NELL1: variants seen among roughly 807,000 people sequenced by gnomAD.
NELL1 encodes the protein protein kinase C-binding protein NELL1.
NELL1 carries 76 observed loss-of-function variants against 107.4 expected under a neutral mutation model. The observed-to-expected ratio is 0.71, with a 90% CI of 0.59 to 0.86. The LOEUF is 0.86. NELL1 is among the 40% of genes least tolerant of loss of function. The probability of loss-of-function intolerance (pLI) is 0.00; values close to 1 mark genes in which losing one functional copy is unlikely to be tolerated. For missense variants in NELL1, 1,024 were observed against 1,005.5 expected (o/e 1.02, Z -0.25); for synonymous variants, 353 against 341.2 (o/e 1.03, Z -0.38).
chr11:21,317,524 G>A (rs988059194), intron 14 of NELL1, among the ~76,000 whole-genome samples: 1 of 71,360 alleles, frequency 1.4e-5, no homozygotes, highest in African/African-American at 5.4e-5. Context: ...CTCACACTAA[G>A]CATTCTAGGT....
At chr11:20,775,320 G>A (rs1424206697) in intron 2 of NELL1, among the ~76,000 whole-genome samples, 1 of 151,962 alleles carries the variant, frequency 6.6e-6, no homozygotes, top group Non-Finnish European at 1.5e-5. Context: ...AGTATTGGCT[G>A]GACATTTCCT....
chr11:21,127,762 A>G (rs1855519836), intron 13 of NELL1, among the ~76,000 whole-genome samples: 2 of 152,222 alleles, frequency 1.3e-5, no homozygotes, highest in Non-Finnish European at 2.9e-5. Flanking sequence ...TGGAAATCAC[A>G]CTAATGATCA....
At chr11:20,694,345 T>G (rs1854555928) in intron 2 of NELL1, among the ~76,000 whole-genome samples, 1 of 152,078 alleles carries the variant, frequency 6.6e-6, no homozygotes, top group Admixed American at 6.6e-5. Flanking sequence ...TTGTCAAAGC[T>G]GTTGTCCAGA....
At chr11:21,360,319 A>G (rs1851046009) in intron 14 of NELL1, among the ~76,000 whole-genome samples, 1 of 152,142 alleles carries the variant, frequency 6.6e-6, no homozygotes, top group African/African-American at 2.4e-5. Flanking sequence ...TTTGGAGTTG[A>G]CTTCCAGTTT....
At chr11:21,165,545 A>G (rs555660951) in intron 13 of NELL1, among the ~76,000 whole-genome samples, 32 of 152,260 alleles carry the variant, frequency 2.1e-4, no homozygotes, top group Admixed American at 1.4e-3. Flanking sequence ...CAGAGTTACT[A>G]TATGATTCTG....
At chr11:21,443,799 G>T (rs1590936521) in intron 15 of NELL1, among the ~76,000 whole-genome samples, 1 of 151,024 alleles carries the variant, frequency 6.6e-6, no homozygotes, top group African/African-American at 2.4e-5. Context: ...GCAGTAAGAC[G>T]AGATTACACC....
chr11:20,796,407 T>C (rs55941799), intron 3 of NELL1, among the ~76,000 whole-genome samples: 4,174 of 152,300 alleles, frequency 0.027, 190 homozygotes, highest in African/African-American at 0.095. Context: ...ACATGGTTTG[T>C]TGAAGCCATG....
chr11:21,066,645 T>C (rs1853878593), intron 12 of NELL1, among the ~76,000 whole-genome samples: 1 of 152,148 alleles, frequency 6.6e-6, no homozygotes, highest in South Asian at 2.1e-4. Context: ...TGAGTATATA[T>C]AACACTGAAT....
At chr11:21,212,738 A>C (rs1857526892) in intron 13 of NELL1, among the ~76,000 whole-genome samples, 3 of 152,194 alleles carry the variant, frequency 2.0e-5, no homozygotes, top group Admixed American at 1.3e-4. Context: ...AAGGTGGTAT[A>C]AGGTGGGGCT....
At chr11:20,846,744 C>A (rs1285786797) in intron 3 of NELL1, among the ~76,000 whole-genome samples, 1 of 152,118 alleles carries the variant, frequency 6.6e-6, no homozygotes, top group Non-Finnish European at 1.5e-5. Flanking sequence ...TGTGAAATAC[C>A]TAGTGCAAGC....
chr11:20,862,856 A>G (rs1210726020), intron 4 of NELL1, among the ~76,000 whole-genome samples: 1 of 152,060 alleles, frequency 6.6e-6, no homozygotes, highest in African/African-American at 2.4e-5. Flanking sequence ...CACATCTTGC[A>G]CCGCCCTTAA....
At chr11:20,697,116 G>T (rs1199370780) in intron 2 of NELL1, among the ~76,000 whole-genome samples, 1 of 152,186 alleles carries the variant, frequency 6.6e-6, no homozygotes, top group Non-Finnish European at 1.5e-5. Flanking sequence ...CAACAAATTA[G>T]CGATGGTGCC....
chr11:21,213,154 A>G (rs1365995795), intron 13 of NELL1, among the ~76,000 whole-genome samples: 1 of 152,178 alleles, frequency 6.6e-6, no homozygotes, highest in African/African-American at 2.4e-5. Context: ...ATATCTAGTT[A>G]AAAGTCTAAC....
chr11:21,145,778 G>T (rs1388227418), intron 13 of NELL1, among the ~76,000 whole-genome samples: 1 of 152,168 alleles, frequency 6.6e-6, no homozygotes, highest in African/African-American at 2.4e-5. Context: ...CAGTATCAGG[G>T]TCGTGGGCCA....
chr11:20,753,976 CAT>C (rs1856202616), intron 2 of NELL1, among the ~76,000 whole-genome samples: 1 of 152,164 alleles, frequency 6.6e-6, no homozygotes, highest in Admixed American at 6.5e-5. Context: ...TGTCATGGGG[CAT>C]ATACACATCC....
intron 18 of NELL1, 62 bp from the exon 19 acceptor site, chr11:21,573,123 A>G: frequency 7.9e-7 from 1 of 1,270,206 alleles, no homozygotes; most frequent in Non-Finnish European, 1.1e-6. Flanking sequence ...CCCTTCTATG[A>G]CTTTGGGAAT....
chr11:20,944,147 G>A (rs1850915175), intron 10 of NELL1, among the ~76,000 whole-genome samples: 1 of 152,120 alleles, frequency 6.6e-6, no homozygotes, highest in Non-Finnish European at 1.5e-5. Flanking sequence ...TCCTTGGGAG[G>A]ACTAAGGAAA....
intron 15 of NELL1, among the ~76,000 whole-genome samples, chr11:21,509,755 T>C (rs764448476): frequency 4.0e-5 from 6 of 151,774 alleles, no homozygotes; most frequent in Non-Finnish European, 7.3e-5. Flanking sequence ...GATTACTTAG[T>C]AATTATTTAT....
chr11:21,012,319 C>T (rs1852465445), intron 12 of NELL1, among the ~76,000 whole-genome samples: 1 of 152,118 alleles, frequency 6.6e-6, no homozygotes, highest in Non-Finnish European at 1.5e-5. Context: ...GTTGTTCTCC[C>T]TGCCAGCCTT....
Sources: allele counts gnomAD v4.1 joint callset (sites outside exome capture counted in the v4.1 genomes callset), GRCh38; gene constraint gnomAD v4.1.1; transcripts MANE v1.5; gene names NCBI Gene and HGNC (gene_info 2026-07-23, HGNC 2026-07-21).